HS3ST5: variants seen among roughly 807,000 people sequenced by gnomAD.
HS3ST5 encodes heparan sulfate-glucosamine 3-sulfotransferase 5, also known as heparan sulfate glucosamine 3-O-sulfotransferase 5.
Under a neutral mutation model 25.4 loss-of-function variants are expected in HS3ST5, and 10 were observed. That is an observed-to-expected ratio of 0.39 (90% CI 0.24 to 0.67). HS3ST5 has a LOEUF of 0.67. Ranked by LOEUF, HS3ST5 falls within the 30% of genes least tolerant of loss-of-function variation. The probability of loss-of-function intolerance (pLI) is 0.44; values close to 1 mark genes in which losing one functional copy is unlikely to be tolerated. For synonymous variants in HS3ST5, 170 were observed against 162.4 expected, an observed-to-expected ratio of 1.05 and a Z score of -0.36; for missense variants, 324 against 420.7, an observed-to-expected ratio of 0.77 and a Z score of 2.01.
intron 3 of HS3ST5, among the ~76,000 whole-genome samples, chr6:114,091,992 C>G (rs1414130566): frequency 2.0e-5 from 3 of 152,248 alleles, no homozygotes; most frequent in Admixed American, 1.3e-4. Context: ...GGCAAAACCA[C>G]TCTCAAACTC....
chr6:114,177,367 C>T (rs1779771847), intron 2 of HS3ST5, among the ~76,000 whole-genome samples: 1 of 152,190 alleles, frequency 6.6e-6, no homozygotes, highest in Non-Finnish European at 1.5e-5. Flanking sequence ...GAATGATAAT[C>T]ACTCTAGTGT....
intron 1 of HS3ST5, among the ~76,000 whole-genome samples, chr6:114,250,793 T>C (rs889262723): frequency 6.6e-6 from 1 of 152,214 alleles, no homozygotes. Flanking sequence ...AGTCATACTA[T>C]ACTTGCTTAG....
chr6:114,302,312 A>G (rs779510497), intron 1 of HS3ST5, among the ~76,000 whole-genome samples: 24 of 152,234 alleles, frequency 1.6e-4, no homozygotes, highest in Non-Finnish European at 2.8e-4. Flanking sequence ...AAGCCATTGC[A>G]AATTATTATT....
intron 1 of HS3ST5, among the ~76,000 whole-genome samples, chr6:114,296,438 C>T (rs1204741940): frequency 6.6e-6 from 1 of 152,120 alleles, no homozygotes; most frequent in Non-Finnish European, 1.5e-5. Context: ...CTGGTAAGTT[C>T]AGAATCAAAA....
chr6:114,333,882 A>C (rs1412359856), intron 1 of HS3ST5, among the ~76,000 whole-genome samples: 1 of 152,210 alleles, frequency 6.6e-6, no homozygotes, highest in Admixed American at 6.5e-5. Flanking sequence ...TAGATTTGGA[A>C]ACAGAGGAAT....
intron 1 of HS3ST5, among the ~76,000 whole-genome samples, chr6:114,268,145 G>T (rs909902645): frequency 3.3e-5 from 5 of 152,102 alleles, no homozygotes; most frequent in Non-Finnish European, 7.3e-5. Context: ...TGTGGCTCAG[G>T]CACTCATACT....
intron 1 of HS3ST5, among the ~76,000 whole-genome samples, chr6:114,290,428 A>G (rs1582791551): frequency 6.6e-6 from 1 of 152,252 alleles, no homozygotes; most frequent in Admixed American, 6.5e-5. Context: ...ACAGACACTA[A>G]CTAAAGTCCC....
At chr6:114,269,553 C>G (rs147357735) in intron 1 of HS3ST5, among the ~76,000 whole-genome samples, 285 of 152,252 alleles carry the variant, frequency 1.9e-3, no homozygotes, top group African/African-American at 6.6e-3. Flanking sequence ...AAAACAACAG[C>G]CATTTCCCCC....
intron 3 of HS3ST5, among the ~76,000 whole-genome samples, chr6:114,076,195 G>A: frequency 6.6e-6 from 1 of 152,120 alleles, no homozygotes; most frequent in African/African-American, 2.4e-5. Flanking sequence ...AACAAAACAG[G>A]AAGCTCAAAC....
At chr6:114,100,222 C>T (rs1327540538) in intron 3 of HS3ST5, among the ~76,000 whole-genome samples, 4 of 147,214 alleles carry the variant, frequency 2.7e-5, no homozygotes, top group Admixed American at 2.7e-4. Flanking sequence ...TCACACCCTT[C>T]CCCACATACA....
At chr6:114,224,225 T>C (rs898575026) in intron 2 of HS3ST5, among the ~76,000 whole-genome samples, 3 of 151,752 alleles carry the variant, frequency 2.0e-5, no homozygotes, top group African/African-American at 7.2e-5. Flanking sequence ...TTGGGTTTTA[T>C]GCTACGATAC....
At chr6:114,295,204 T>C (rs1014893292) in intron 1 of HS3ST5, among the ~76,000 whole-genome samples, 2 of 152,178 alleles carry the variant, frequency 1.3e-5, no homozygotes, top group Non-Finnish European at 2.9e-5. Flanking sequence ...TTACAGAAAA[T>C]AAGGGGAAAA....
chr6:114,170,784 A>G (rs1469986637), intron 2 of HS3ST5, among the ~76,000 whole-genome samples: 1 of 152,172 alleles, frequency 6.6e-6, no homozygotes, highest in Non-Finnish European at 1.5e-5. Flanking sequence ...ACTTTTAATG[A>G]TTAGCTGCCT....
At chr6:114,218,502 A>G (rs1285295530) in intron 2 of HS3ST5, among the ~76,000 whole-genome samples, 1 of 152,208 alleles carries the variant, frequency 6.6e-6, no homozygotes, top group Non-Finnish European at 1.5e-5. Context: ...CAAAACCTCA[A>G]TGTTAAAAAT....
At chr6:114,182,646 A>C (rs984271566) in intron 2 of HS3ST5, among the ~76,000 whole-genome samples, 1 of 152,172 alleles carries the variant, frequency 6.6e-6, no homozygotes, top group Non-Finnish European at 1.5e-5. Context: ...GAACAAAGAC[A>C]GTAAAGGTTA....
At chr6:114,096,149 A>G (rs1034006785) in intron 3 of HS3ST5, among the ~76,000 whole-genome samples, 2 of 152,208 alleles carry the variant, frequency 1.3e-5, no homozygotes, top group Non-Finnish European at 2.9e-5. Context: ...CTTTGTGGGT[A>G]TCCAGTGGAA....
intron 1 of HS3ST5, among the ~76,000 whole-genome samples, chr6:114,318,633 T>C (rs1234249969): frequency 6.6e-6 from 1 of 152,200 alleles, no homozygotes; most frequent in Non-Finnish European, 1.5e-5. Flanking sequence ...CATCTCCCTC[T>C]TGCAGGTTAT....
At chr6:114,319,694 A>G (rs1775885368) in intron 1 of HS3ST5, among the ~76,000 whole-genome samples, 1 of 152,114 alleles carries the variant, frequency 6.6e-6, no homozygotes, top group Non-Finnish European at 1.5e-5. Context: ...TTGTGATTGA[A>G]TAATATTCCA....
chr6:114,261,003 G>A (rs1047154620), intron 1 of HS3ST5, among the ~76,000 whole-genome samples: 3 of 152,206 alleles, frequency 2.0e-5, no homozygotes, highest in Non-Finnish European at 2.9e-5. Context: ...AGTGACATCA[G>A]TCTAATGATG....
Sources: allele counts gnomAD v4.1 joint callset (sites outside exome capture counted in the v4.1 genomes callset), GRCh38; gene constraint gnomAD v4.1.1; transcripts MANE v1.5; gene names NCBI Gene and HGNC (gene_info 2026-07-23, HGNC 2026-07-21).